The following NPNT variants were observed in gnomAD, a reference collection of about 807,000 sequenced individuals.
The protein encoded by NPNT is preosteoblast EGF-like repeat protein with MAM domain.
In NPNT, 45 loss-of-function variants were observed where a neutral mutation model predicts 68.6. The observed-to-expected ratio is 0.66, with a 90% CI of 0.52 to 0.84. The LOEUF is 0.84. Ranked by LOEUF, NPNT falls within the 40% of genes least tolerant of loss-of-function variation. NPNT has a pLI of 0.00. For missense variants in NPNT, 672 were observed against 714.8 expected (o/e 0.94, Z 0.68); for synonymous variants, 233 against 253.3 (o/e 0.92, Z 0.76).
intron 4 of NPNT, 24 bp from the exon 5 acceptor site, chr4:105,938,277 G>C (rs376824687): frequency 7.1e-5 from 115 of 1,608,744 alleles, no homozygotes; most frequent in Non-Finnish European, 9.5e-5. Flanking sequence ...ACCTGTCTGA[G>C]TCAGCCAGTC....
At chr4:105,939,023 C>T (rs1005713537) in intron 5 of NPNT, among the ~76,000 whole-genome samples, 5 of 152,180 alleles carry the variant, frequency 3.3e-5, no homozygotes, top group Non-Finnish European at 7.4e-5. Context: ...ATGTAATAAG[C>T]CTTGAATGAA....
intron 8 of NPNT, among the ~76,000 whole-genome samples, chr4:105,953,441 CA>C (rs1730982049): frequency 6.6e-6 from 1 of 152,190 alleles, no homozygotes; most frequent in Admixed American, 6.5e-5. Flanking sequence ...GTGAGTCCAA[CA>C]ACCCTTTTCT....
At chr4:105,965,755 G>A (rs2149412280) in intron 10 of NPNT, among the ~76,000 whole-genome samples, 1 of 152,308 alleles carries the variant, frequency 6.6e-6, no homozygotes, top group South Asian at 2.1e-4. Context: ...AAGACATTAT[G>A]TATTTTTAGT....
At position 105,968,952 on chromosome 4, in the gene NPNT, G is replaced by C; in HGVS notation, c.1660G>C (p.Val554Leu). Reference protein sequence around the residue: ...GHTGEIGLDDVSLKKGHCSEE... With the variant: ...GHTGEIGLDDLSLKKGHCSEE... The stretch of plus-strand genomic sequence containing the variant: ...CACTGGGGAGATTGGATTAGATGAT[G>C]TGAGCTTGAAAAAAGGCCACTGCTC... The change falls in exon 12 of 12, where the codon GTG (valine) becomes CTG (leucine). Residue 554 changes from valine (V) to leucine (L), a missense_variant. By Grantham distance (32) the Val-to-Leu change is conservative. Transcript: ENST00000379987. 6.2e-7 allele frequency: 1 copy of C among 1,613,058 alleles called. No individual in the cohort carries two copies. Among genetic ancestry groups the C allele is most frequent in the Admixed American group, 1.7e-5 (1 of 59,988 alleles).
intron 10 of NPNT, among the ~76,000 whole-genome samples, chr4:105,961,748 T>G (rs1731732934): frequency 6.6e-6 from 1 of 152,180 alleles, no homozygotes; most frequent in Admixed American, 6.5e-5. Context: ...CTTGAGTGAT[T>G]GGATAACTCG....
chr4:105,931,415 G>C (rs1162321610), intron 3 of NPNT, among the ~76,000 whole-genome samples: 1 of 151,050 alleles, frequency 6.6e-6, no homozygotes, highest in African/African-American at 2.4e-5. Flanking sequence ...GTCAGAACCA[G>C]ATACTAATTT....
At chr4:105,965,680 G>A (rs1389377936) in intron 10 of NPNT, among the ~76,000 whole-genome samples, 2 of 152,076 alleles carry the variant, frequency 1.3e-5, no homozygotes, top group East Asian at 3.9e-4. Context: ...AAATATTTTG[G>A]CCCAAAATAT....
At chr4:105,951,491 A>G (rs1730831772) in intron 8 of NPNT, among the ~76,000 whole-genome samples, 1 of 152,194 alleles carries the variant, frequency 6.6e-6, no homozygotes, top group African/African-American at 2.4e-5. Flanking sequence ...TGGAAATATT[A>G]TGGTCTTTCT....
intron 10 of NPNT, among the ~76,000 whole-genome samples, chr4:105,965,128 T>C (rs1732015409): frequency 6.6e-6 from 1 of 152,142 alleles, no homozygotes; most frequent in African/African-American, 2.4e-5. Context: ...AACTTTCTGG[T>C]CAAGTTTTGC....
intron 3 of NPNT, among the ~76,000 whole-genome samples, chr4:105,936,779 G>T (rs11939967): frequency 4.3e-4 from 66 of 152,242 alleles, no homozygotes; most frequent in African/African-American, 1.6e-3. Context: ...TTCCTAACTG[G>T]CCTTTATAAA....
chr4:105,947,718 C>A (rs1231333373), intron 8 of NPNT, among the ~76,000 whole-genome samples: 1 of 152,076 alleles, frequency 6.6e-6, no homozygotes, highest in African/African-American at 2.4e-5. Flanking sequence ...CTTAGAAATG[C>A]TTTTTTTCAA....
intron 2 of NPNT, among the ~76,000 whole-genome samples, chr4:105,898,854 A>G (rs2149311710): frequency 6.6e-6 from 1 of 152,302 alleles, no homozygotes; most frequent in Non-Finnish European, 1.5e-5. Context: ...TCAAATGATC[A>G]AGTACCTTTC....
chr4:105,959,059 T>C lies in NPNT; in HGVS notation c.1278T>C (p.His426=), dbSNP rs779766624. 9.9e-6 allele frequency: 16 copies of C among 1,613,088 alleles called. No individual in the cohort carries two copies. The highest frequency in any genetic ancestry group is 5.3e-5 in the African/African-American group (4 of 74,914). Residue 426 remains histidine (H), a synonymous_variant, in exon 10 of 12, where the codon CAT becomes CAC. Transcript: ENST00000379987. ...GVLVHSCNFD[H]GLCGWIREKD... ...TGGTACACAGTTGTAATTTTGACCA[T>C]GGACTTTGTGGATGGATCAGGGAGA... is the stretch of plus-strand genomic sequence containing the variant.
At chr4:105,914,666 C>G (rs1324332707) in intron 2 of NPNT, among the ~76,000 whole-genome samples, 1 of 151,428 alleles carries the variant, frequency 6.6e-6, no homozygotes, top group Admixed American at 6.6e-5. Context: ...TCTGTGAGAG[C>G]ATATCTTAAG....
rs1578703212 is a variant in NPNT at position 105,969,072 on chromosome 4, A to G, written c.*82A>G. 1.1e-6 allele frequency: 1 copy of G among 947,386 alleles called. No homozygotes were observed. Among genetic ancestry groups the G allele is most frequent in the South Asian group, 1.5e-5 (1 of 65,362 alleles). The allele number at this position is 947,386 out of a possible 1,614,324, so 58.7% of individuals were successfully genotyped here. A position where few individuals can be genotyped will look rare whatever the true frequency, so the allele number is the denominator to read the frequency against. On this transcript the variant is annotated 3_prime_UTR_variant, in exon 12 of 12. Coordinates refer to ENST00000379987, the MANE Select transcript of NPNT (RefSeq NM_001033047.3). ...CATCTTCTCTCCTCTTCTCCCTTTT[A>G]TCAGGCCTAGGAGAAGAGTGGGTCA...
At chr4:105,926,109 T>A (rs1004644468) in intron 2 of NPNT, among the ~76,000 whole-genome samples, 4 of 152,198 alleles carry the variant, frequency 2.6e-5, no homozygotes, top group African/African-American at 9.6e-5. Context: ...TTGGGTAGTC[T>A]GCTCCCTTCT....
At chr4:105,914,433 T>G (rs924505411) in intron 2 of NPNT, among the ~76,000 whole-genome samples, 1 of 138,016 alleles carries the variant, frequency 7.2e-6, no homozygotes, top group African/African-American at 2.7e-5. Flanking sequence ...ATATATATTA[T>G]ATAAATATTA....
chr4:105,897,791 G>A (rs1051494305), intron 1 of NPNT, 110 bp from the exon 2 acceptor site: 12 of 799,806 alleles, frequency 1.5e-5, no homozygotes, highest in Admixed American at 1.3e-4. Flanking sequence ...AAAAGAGTTT[G>A]TAGAAAATTG....
At chr4:105,926,978 AT>A (rs1216399198) in intron 2 of NPNT, 11 of 157,386 alleles carry the variant, frequency 7.0e-5, no homozygotes, top group Admixed American at 6.9e-4. Flanking sequence ...TATTTGAAGT[AT>A]ATTTGAGGGA....
Sources: allele counts gnomAD v4.1 joint callset (sites outside exome capture counted in the v4.1 genomes callset), GRCh38; gene constraint gnomAD v4.1.1; transcripts MANE v1.5; gene names NCBI Gene and HGNC (gene_info 2026-07-23, HGNC 2026-07-21).